The following CNTNAP2 variants were observed in gnomAD, a reference collection of about 807,000 sequenced individuals.
CNTNAP2 encodes contactin associated protein 2.
CNTNAP2 carries 98 observed loss-of-function variants against 155.2 expected under a neutral mutation model. That is an observed-to-expected ratio of 0.63 (90% CI 0.54 to 0.75). The LOEUF is 0.75. Among genes scored for constraint, CNTNAP2 ranks in the 30% least tolerant of loss-of-function variants. CNTNAP2 has a pLI of 0.00. For missense variants in CNTNAP2, 1,727 were observed against 1,688.1 expected (o/e 1.02, Z -0.40); for synonymous variants, 651 against 631.2 (o/e 1.03, Z -0.47).
chr7:147,743,792 A>T (rs1361978501), intron 13 of CNTNAP2, among the ~76,000 whole-genome samples: 1 of 151,296 alleles, frequency 6.6e-6, no homozygotes, highest in African/African-American at 2.4e-5. Flanking sequence ...TCCCAGGTTT[A>T]TCTCCATCCC....
chr7:147,927,117 A>G (rs1478692548), intron 14 of CNTNAP2, among the ~76,000 whole-genome samples: 1 of 152,240 alleles, frequency 6.6e-6, no homozygotes, highest in Admixed American at 6.5e-5. Context: ...ACTCCTTCAA[A>G]GATAAATATG....
chr7:147,177,233 T>C (rs866998002), intron 8 of CNTNAP2, among the ~76,000 whole-genome samples: 2 of 152,004 alleles, frequency 1.3e-5, no homozygotes, highest in Non-Finnish European at 2.9e-5. Flanking sequence ...TTCACCCAAA[T>C]CTCACCTTGA....
chr7:148,362,615 C>T (rs774042922), intron 21 of CNTNAP2, among the ~76,000 whole-genome samples: 21 of 152,196 alleles, frequency 1.4e-4, no homozygotes, highest in South Asian at 1.0e-3. Context: ...ATCTGTACTG[C>T]GTGCAGGCTG....
intron 3 of CNTNAP2, among the ~76,000 whole-genome samples, chr7:147,020,909 T>C (rs1295419289): frequency 6.6e-6 from 1 of 152,188 alleles, no homozygotes; most frequent in Non-Finnish European, 1.5e-5. Flanking sequence ...TAGTTTCATG[T>C]TCTTAGAAAT....
At chr7:148,080,604 CAAAAAA>C (rs199500286) in intron 15 of CNTNAP2, among the ~76,000 whole-genome samples, 2 of 69,738 alleles carry the variant, frequency 2.9e-5, no homozygotes, top group Non-Finnish European at 2.8e-5. Context: ...GACTCCATCT[CAAAAAA>C]AAAAAAAAAA....
chr7:147,386,937 A>G (rs1332247585), intron 9 of CNTNAP2, among the ~76,000 whole-genome samples: 2 of 152,214 alleles, frequency 1.3e-5, no homozygotes, highest in Non-Finnish European at 2.9e-5. Flanking sequence ...GGTAAGTCTC[A>G]CAATCATGGT....
rs371242079 is a variant in CNTNAP2 at position 147,300,181 on chromosome 7, C to T, written c.1389C>T (p.Phe463=). The change falls in exon 9 of 24, where the codon TTC becomes TTT. Residue 463 remains phenylalanine (F), a synonymous_variant. Transcript: ENST00000361727. ...ATGGACAGTGGCACGAGGTTCGCTTCCTAGCCAAGGAAAATTTTGCTATTC... is the reference window on the plus strand; with the variant it reads ...ATGGACAGTGGCACGAGGTTCGCTTTCTAGCCAAGGAAAATTTTGCTATTC... ...LNDGQWHEVR[F]LAKENFAILT... is the part of the protein sequence containing the mutation. The T allele has an allele frequency of 5.0e-5, 80 of 1,613,900 alleles. No individual in the cohort carries two copies. Among genetic ancestry groups the T allele is most frequent in the Non-Finnish European group, 6.7e-5 (79 of 1,179,956 alleles).
intron 9 of CNTNAP2, among the ~76,000 whole-genome samples, chr7:147,310,045 A>T (rs1795094722): frequency 6.6e-6 from 1 of 152,164 alleles, no homozygotes; most frequent in African/African-American, 2.4e-5. Context: ...GAACATATTA[A>T]CCTCATCAGA....
Position 148,322,872 on chromosome 7 carries a change from C to T in CNTNAP2, c.3475+55746C>T, listed in dbSNP as rs946158848. 2.3e-4 allele frequency among the ~76,000 whole-genome samples: 34 copies of T among 148,986 alleles called. 1 individual carries two copies. Among genetic ancestry groups the T allele is most frequent in the Non-Finnish European group, 1.0e-4 (7 of 67,580 alleles). On this transcript the variant is annotated intron_variant, in intron 21 of 23. Coordinates refer to ENST00000361727, the MANE Select transcript of CNTNAP2 (RefSeq NM_014141.6). ...ACTACCTTTCCCCACTTCCCCTCATCATTCTCTTTTTCTAAAATCTATCCA... is the reference window on the plus strand; with the variant it reads ...ACTACCTTTCCCCACTTCCCCTCATTATTCTCTTTTTCTAAAATCTATCCA...
intron 3 of CNTNAP2, among the ~76,000 whole-genome samples, chr7:146,892,794 A>G (rs556261120): frequency 2.6e-5 from 4 of 152,158 alleles, no homozygotes; most frequent in Non-Finnish European, 4.4e-5. Context: ...AAATTATACT[A>G]TATCAGTTCT....
chr7:148,192,711 T>C (rs1048320420), intron 18 of CNTNAP2, among the ~76,000 whole-genome samples: 1 of 152,226 alleles, frequency 6.6e-6, no homozygotes, highest in African/African-American at 2.4e-5. Flanking sequence ...ACATGCCAAC[T>C]ACTTTGAAAT....
chr7:146,452,995 A>C (rs1228910760), intron 1 of CNTNAP2, among the ~76,000 whole-genome samples: 1 of 152,232 alleles, frequency 6.6e-6, no homozygotes, highest in Non-Finnish European at 1.5e-5. Flanking sequence ...CTGTGTGGAA[A>C]GAATGATTCC....
intron 10 of CNTNAP2, among the ~76,000 whole-genome samples, chr7:147,464,911 A>G (rs1302468912): frequency 6.6e-6 from 1 of 152,246 alleles, no homozygotes; most frequent in Non-Finnish European, 1.5e-5. Context: ...CTCAATTATA[A>G]TGATTCTCTC....
At chr7:147,601,644 A>AAAAAATATATATATATATATAT (rs1299075338) in intron 12 of CNTNAP2, among the ~76,000 whole-genome samples, 5 of 87,466 alleles carry the variant, frequency 5.7e-5, no homozygotes, top group African/African-American at 2.1e-4. Context: ...CTTAAAAAAA[A>AAAAAATATATATATATATATAT]ATATATATAT....
chr7:148,314,040 G>T (rs544072260), intron 21 of CNTNAP2, among the ~76,000 whole-genome samples: 84 of 152,210 alleles, frequency 5.5e-4, no homozygotes, highest in Non-Finnish European at 1.0e-3. Flanking sequence ...AGCCGGACTG[G>T]GTGTGAGGAG....
chr7:146,897,709 G>C (rs183491349), intron 3 of CNTNAP2, among the ~76,000 whole-genome samples: 1 of 151,760 alleles, frequency 6.6e-6, no homozygotes, highest in African/African-American at 2.4e-5. Flanking sequence ...TTTTTCTCTA[G>C]AGCAGTATCT....
At chr7:147,148,582 G>A (rs1467877517) in intron 8 of CNTNAP2, among the ~76,000 whole-genome samples, 1 of 152,170 alleles carries the variant, frequency 6.6e-6, no homozygotes, top group East Asian at 1.9e-4. Context: ...CCCTCACAGT[G>A]ATTGTTACAG....
chr7:146,489,814 G>A (rs967693847), intron 1 of CNTNAP2, among the ~76,000 whole-genome samples: 2 of 145,922 alleles, frequency 1.4e-5, no homozygotes, highest in Admixed American at 6.7e-5. Flanking sequence ...CCCTGAAGTC[G>A]GGTGGTTTCT....
intron 8 of CNTNAP2, among the ~76,000 whole-genome samples, chr7:147,263,985 T>A (rs1804550643): frequency 1.3e-5 from 2 of 152,318 alleles, no homozygotes; most frequent in Middle Eastern, 6.8e-3. Context: ...AGGACTGTCT[T>A]GCATTTTCCT....
Sources: gnomAD v4.1 joint callset for allele counts (sites outside exome capture counted in the v4.1 genomes callset) on GRCh38, gnomAD v4.1.1 for gene constraint, MANE v1.5 for transcripts, NCBI Gene and HGNC (gene_info 2026-07-23, HGNC 2026-07-21) for gene names.